BORCS5: variants seen among roughly 807,000 people sequenced by gnomAD.
BORCS5 encodes the protein BLOC-1 related complex subunit 5.
Under a neutral mutation model 22.1 loss-of-function variants are expected in BORCS5, and 17 were observed. That is an observed-to-expected ratio of 0.77 (90% CI 0.53 to 1.15). The LOEUF is 1.15. BORCS5 is among the 50% of genes most tolerant of loss of function. The pLI is 0.00. For synonymous variants in BORCS5, 117 were observed against 99.8 expected (o/e 1.17, Z -1.03); for missense variants, 247 against 253.2 (o/e 0.98, Z 0.17).
At chr12:12,386,708 GATCCAC>G in intron 2 of BORCS5, among the ~76,000 whole-genome samples, 11 of 150,508 alleles carry the variant, frequency 7.3e-5, no homozygotes, top group Admixed American at 2.6e-4. Context: ...GACCTCAAGT[GATCCAC>G]CTGCCTCGGC....
intron 1 of BORCS5, among the ~76,000 whole-genome samples, chr12:12,359,616 C>T (rs1863230246): frequency 6.6e-6 from 1 of 151,486 alleles, no homozygotes; most frequent in Non-Finnish European, 1.5e-5. Flanking sequence ...CCTGGCTTGG[C>T]CTCCCAAAGT....
At chr12:12,433,994 T>C (rs1188290078) in intron 2 of BORCS5, among the ~76,000 whole-genome samples, 3 of 151,726 alleles carry the variant, frequency 2.0e-5, no homozygotes, top group African/African-American at 4.8e-5. Context: ...ACATTGGTGG[T>C]TGGGGTCGGT....
chr12:12,368,045 G>C (rs1213432759), intron 2 of BORCS5, among the ~76,000 whole-genome samples: 1 of 152,150 alleles, frequency 6.6e-6, no homozygotes, highest in Non-Finnish European at 1.5e-5. Context: ...TGCTGTCCCT[G>C]CTTCCTTGAT....
Position 12,357,403 on chromosome 12 carries a change from C to A in BORCS5, c.-49C>A, listed in dbSNP as rs770317153. 1 of 1,588,732 alleles carries A rather than the reference C, an allele frequency of 6.3e-7. No individual in the cohort carries two copies. Among genetic ancestry groups the A allele is most frequent in the Non-Finnish European group, 8.6e-7 (1 of 1,163,672 alleles). On this transcript the variant is annotated 5_prime_UTR_variant, in exon 1 of 4. Transcript: ENST00000314565. ...CCTGCCCTGTCGCCCGCCGCCGGAG[C>A]GGTGACCGCCCGGCCCGCCGTTCTT...
intron 3 of BORCS5, among the ~76,000 whole-genome samples, chr12:12,446,101 T>A (rs1393641387): frequency 6.6e-6 from 1 of 152,164 alleles, no homozygotes; most frequent in African/African-American, 2.4e-5. Context: ...TATGAACTAG[T>A]CAGCTCTGTG....
In BORCS5 at chr12:12,365,033, C is replaced by A. The variant is rs188291263; in HGVS notation, c.202+3684C>A. On this transcript the variant is annotated intron_variant, in intron 2 of 3. Transcript: ENST00000314565. ...TTAATGTGATGCAGTTAATGCAATG[C>A]AACTGGACCTGGTTGCATTGATAAA... 2.4e-3 allele frequency among the ~76,000 whole-genome samples: 364 copies of A among 152,312 alleles called. 3 individuals carry two copies. Among genetic ancestry groups the A allele is most frequent in the African/African-American group, 8.4e-3 (350 of 41,568 alleles).
At chr12:12,365,392 T>C (rs899578901) in intron 2 of BORCS5, among the ~76,000 whole-genome samples, 1 of 151,696 alleles carries the variant, frequency 6.6e-6, no homozygotes, top group Non-Finnish European at 1.5e-5. Flanking sequence ...GTTGCCCATG[T>C]TGGTCTTGAG....
intron 2 of BORCS5, among the ~76,000 whole-genome samples, chr12:12,418,885 CACTT>C (rs1296493345): frequency 6.6e-5 from 10 of 152,062 alleles, no homozygotes; most frequent in East Asian, 3.9e-4. Context: ...GATACAGTGG[CACTT>C]ACTTCTGTCA....
intron 2 of BORCS5, 123 bp downstream of exon 2, chr12:12,361,472 A>C: frequency 9.2e-7 from 1 of 1,081,398 alleles, no homozygotes; most frequent in Non-Finnish European, 1.3e-6. Flanking sequence ...CTTAAATGGC[A>C]TCTTCTCAGT....
At chr12:12,444,707 G>A (rs946701303) in intron 3 of BORCS5, among the ~76,000 whole-genome samples, 1 of 152,070 alleles carries the variant, frequency 6.6e-6, no homozygotes, top group East Asian at 1.9e-4. Context: ...CTTGGTTTAA[G>A]TCCTCCTGCC....
chr12:12,423,938 C>A (rs955373760), intron 2 of BORCS5, among the ~76,000 whole-genome samples: 8 of 152,200 alleles, frequency 5.3e-5, no homozygotes, highest in African/African-American at 1.9e-4. Context: ...GATCTGCCCA[C>A]CTTGGCCTCC....
chr12:12,439,626 A>C (rs1942640254), intron 3 of BORCS5, among the ~76,000 whole-genome samples: 1 of 152,250 alleles, frequency 6.6e-6, no homozygotes, highest in Non-Finnish European at 1.5e-5. Context: ...GTCTCAAAAA[A>C]TAAAATAAAC....
intron 2 of BORCS5, among the ~76,000 whole-genome samples, chr12:12,420,814 A>T (rs1468310742): frequency 2.0e-5 from 3 of 152,150 alleles, no homozygotes; most frequent in Admixed American, 1.3e-4. Flanking sequence ...TCTTTGAAGC[A>T]ATTGTGAATG....
chr12:12,389,698 C>CGGTG (rs1189794017), intron 2 of BORCS5, among the ~76,000 whole-genome samples: 1 of 152,052 alleles, frequency 6.6e-6, no homozygotes, highest in Non-Finnish European at 1.5e-5. Flanking sequence ...GGCTGGAGTG[C>CGGTG]GGTGGCATGA....
intron 2 of BORCS5, among the ~76,000 whole-genome samples, chr12:12,404,996 C>T (rs769357870): frequency 2.0e-5 from 3 of 152,154 alleles, no homozygotes; most frequent in Non-Finnish European, 4.4e-5. Flanking sequence ...CCACCGCGCC[C>T]GGCCAGAGAA....
chr12:12,371,364 C>T (rs188241665), intron 2 of BORCS5, among the ~76,000 whole-genome samples: 140 of 152,306 alleles, frequency 9.2e-4, no homozygotes, highest in South Asian at 2.1e-3. Context: ...ACAATCACGG[C>T]TCACTGCAGC....
Position 12,357,235 on chromosome 12 carries a change from C to T in BORCS5, c.-217C>T, listed in dbSNP as rs2136006735. On this transcript the variant is annotated 5_prime_UTR_variant, in exon 1 of 4. Coordinates refer to ENST00000314565, the MANE Select transcript of BORCS5 (RefSeq NM_058169.6). ...CTAGCCGCGTGCGTTCGCGCCGCGC[C>T]TCCTTGCGTTTCTGTTCCCCAAATA... is the stretch of plus-strand genomic sequence containing the variant. 6.8e-7 allele frequency: 1 copy of T among 1,474,646 alleles called. No individual in the cohort carries two copies. Among genetic ancestry groups the T allele is most frequent in the Non-Finnish European group, 9.0e-7 (1 of 1,116,410 alleles). 91.3% of individuals were successfully genotyped at this position (1,474,646 alleles called of 1,614,324 possible).
At chr12:12,405,002 G>A (rs886407362) in intron 2 of BORCS5, among the ~76,000 whole-genome samples, 2 of 152,142 alleles carry the variant, frequency 1.3e-5, no homozygotes, top group Non-Finnish European at 2.9e-5. Context: ...CGCCCGGCCA[G>A]AGAACTACTT....
intron 2 of BORCS5, among the ~76,000 whole-genome samples, chr12:12,431,987 C>T (rs1942442583): frequency 1.3e-5 from 2 of 152,302 alleles, no homozygotes; most frequent in Non-Finnish European, 2.9e-5. Flanking sequence ...AGCCACTGTG[C>T]CCAGCCTTAT....
Sources: gnomAD v4.1 joint callset for allele counts (sites outside exome capture counted in the v4.1 genomes callset) on GRCh38, gnomAD v4.1.1 for gene constraint, MANE v1.5 for transcripts, NCBI Gene and HGNC (gene_info 2026-07-23, HGNC 2026-07-21) for gene names.